The following INO80 variants were observed in gnomAD, a reference collection of about 807,000 sequenced individuals.
INO80 encodes INO80 complex ATPase subunit, also known as chromatin-remodeling ATPase INO80.
INO80 carries 20 observed loss-of-function variants against 203.4 expected under a neutral mutation model. The observed-to-expected ratio is 0.10, with a 90% confidence interval of 0.07 to 0.14. The LOEUF (loss-of-function observed/expected upper bound fraction) is 0.14, where lower values mean the gene tolerates loss of function less well. Ranked by LOEUF, INO80 falls within the 10% of genes least tolerant of loss-of-function variation. The pLI is 1.00. For synonymous variants in INO80, 726 were observed against 685.2 expected (o/e 1.06, Z -0.93); for missense variants, 1,419 against 1,914.4 (o/e 0.74, Z 4.83).
chr15:40,982,007 C>T (rs1893849671), intron 35 of INO80, among the ~76,000 whole-genome samples: 1 of 152,258 alleles, frequency 6.6e-6, no homozygotes, highest in African/African-American at 2.4e-5. Flanking sequence ...CCCTCTCCTC[C>T]TGACCTACAA....
intron 14 of INO80, among the ~76,000 whole-genome samples, chr15:41,068,611 G>A (rs751306870): frequency 2.4e-4 from 36 of 150,550 alleles, no homozygotes; most frequent in Non-Finnish European, 4.3e-4. Context: ...TAATCCTTGC[G>A]TTTTCGGAGG....
chr15:41,060,247 A>G (rs982318811), intron 14 of INO80, among the ~76,000 whole-genome samples: 6 of 152,182 alleles, frequency 3.9e-5, no homozygotes, highest in Non-Finnish European at 7.3e-5. Flanking sequence ...ATGGCATTAC[A>G]AAAGTTCTAG....
rs773955198 is a variant in INO80 at position 41,096,214 on chromosome 15, G to A, written c.97C>T (p.His33Tyr). ...QYLERALRLDHFLRQTSAIFN... is the reference protein window; with the variant it reads ...QYLERALRLDYFLRQTSAIFN... ...ATAGCTGACGTTTGTCGCAGAAAAT[G>A]GTCCAACCGGAGGGCCCTCTCCAAG... The change falls in exon 2 of 36, where the codon CAT (histidine) becomes TAT (tyrosine). Residue 33 changes from histidine (H) to tyrosine (Y), a missense_variant. This residue lies in a region of INO80 where 323 missense variants were observed against 325.4 expected (regional missense o/e 0.99). Transcript: ENST00000648947. 126 of 1,612,896 alleles carry A rather than the reference G, an allele frequency of 7.8e-5. 1 individual carries two copies. The highest frequency in any genetic ancestry group is 1.0e-4 in the Non-Finnish European group (118 of 1,179,760).
At chr15:40,987,998 G>A in intron 29 of INO80, 24 bp from the exon 30 acceptor site, 1 of 1,594,326 alleles carries the variant, frequency 6.3e-7, no homozygotes, top group Non-Finnish European at 8.6e-7. Context: ...AGCAAAAACT[G>A]AAGCACTCTT....
chr15:40,980,084 T>C lies in INO80; in HGVS notation c.*139A>G, dbSNP rs558626447. 8.2e-6 allele frequency: 6 copies of C among 733,622 alleles called. No individual in the cohort carries two copies. In the African/African-American group the frequency reaches 1.0e-4, roughly 13 times the overall value. 45.4% of individuals were successfully genotyped at this position (733,622 alleles called of 1,614,324 possible). A position where few individuals can be genotyped will look rare whatever the true frequency, so the allele number is the denominator to read the frequency against. On this transcript the variant is annotated 3_prime_UTR_variant, in exon 36 of 36. Transcript: ENST00000648947. The stretch of plus-strand genomic sequence containing the variant: ...GATAAAAGTGCTCACACCATCCACC[T>C]GCCTGTCCTTCCCCTGCTGGACATT...
intron 11 of INO80, among the ~76,000 whole-genome samples, chr15:41,072,787 C>CA (rs2045343706): frequency 6.8e-6 from 1 of 146,008 alleles, no homozygotes; most frequent in African/African-American, 2.5e-5. Flanking sequence ...TGGTCTTTTT[C>CA]TTTTTTTTTT....
At chr15:40,993,965 C>A (rs553271982) in intron 29 of INO80, among the ~76,000 whole-genome samples, 3 of 152,104 alleles carry the variant, frequency 2.0e-5, no homozygotes, top group African/African-American at 7.2e-5. Flanking sequence ...AAAACTCAAA[C>A]CAGATCATGT....
chr15:41,084,824 C>T (rs1895176717), intron 7 of INO80, among the ~76,000 whole-genome samples: 3 of 152,222 alleles, frequency 2.0e-5, no homozygotes, highest in Admixed American at 1.3e-4. Flanking sequence ...GCTGCAGCCT[C>T]AACCTCCTGG....
chr15:41,100,787 A>T lies in INO80; in HGVS notation c.-43-4434T>A, dbSNP rs1002987078. 1.3e-5 allele frequency among the ~76,000 whole-genome samples: 2 copies of T among 151,314 alleles called. 1 individual carries two copies. The highest frequency in any genetic ancestry group is 1.3e-4 in the Admixed American group (2 of 15,166). Reference sequence around the variant, plus strand: ...TGTACACTTCAGTGGCATTATATACATTCACATTGTTGTGCAACCATTACT... The same window carrying T: ...TGTACACTTCAGTGGCATTATATACTTTCACATTGTTGTGCAACCATTACT... On this transcript the variant is annotated intron_variant, in intron 1 of 35. Coordinates refer to ENST00000648947, the MANE Select transcript of INO80 (RefSeq NM_017553.3).
intron 9 of INO80, among the ~76,000 whole-genome samples, chr15:41,078,645 A>G (rs1241145098): frequency 6.6e-6 from 1 of 152,210 alleles, no homozygotes; most frequent in East Asian, 1.9e-4. Flanking sequence ...GAGTTACTAC[A>G]TATACCTGAA....
chr15:41,013,348 T>C (rs1381990448), intron 27 of INO80: 1 of 152,238 alleles, frequency 6.6e-6, no homozygotes, highest in Non-Finnish European at 1.5e-5. Context: ...GTATACTCAA[T>C]GGACAGGATC....
At chr15:41,043,808 A>C (rs1360532324) in intron 24 of INO80, among the ~76,000 whole-genome samples, 1 of 152,172 alleles carries the variant, frequency 6.6e-6, no homozygotes, top group Non-Finnish European at 1.5e-5. Flanking sequence ...GAGGTTCCAT[A>C]TGACCTGGAC....
At chr15:41,095,344 A>C (rs1416006714) in intron 4 of INO80, among the ~76,000 whole-genome samples, 1 of 152,238 alleles carries the variant, frequency 6.6e-6, no homozygotes, top group Non-Finnish European at 1.5e-5. Flanking sequence ...GTTGTCTCAA[A>C]AACAAAATCT....
intron 11 of INO80, 122 bp downstream of exon 11, chr15:41,073,306 C>T (rs1262810575): frequency 2.4e-6 from 2 of 833,230 alleles, no homozygotes; most frequent in African/African-American, 3.4e-5. Flanking sequence ...CACACATATA[C>T]ACAAGCTAGT....
chr15:41,051,911 T>A (rs1241907527), intron 19 of INO80, among the ~76,000 whole-genome samples: 2 of 151,876 alleles, frequency 1.3e-5, no homozygotes, highest in Non-Finnish European at 2.9e-5. Flanking sequence ...TGAGCTGAGA[T>A]CGCGCCACTG....
At chr15:41,007,433 T>A (rs1042638211) in intron 27 of INO80, among the ~76,000 whole-genome samples, 5 of 152,076 alleles carry the variant, frequency 3.3e-5, no homozygotes, top group Admixed American at 3.3e-4. Context: ...TCTGCCCACC[T>A]CAGCCTCCCA....
rs1481316907 is a variant in INO80, at chr15:41,079,563, C to T, written c.1131+138G>A. ...ACCAGCCTGGGCAATGTGGAGAAAC[C>T]GCATCTCTACCAAAAAAAAAAAAAA... On this transcript the variant is annotated intron_variant, in intron 9 of 35. Transcript: ENST00000648947. 5.1e-6 allele frequency: 4 copies of T among 787,108 alleles called. 1 individual carries two copies. Among genetic ancestry groups the T allele is most frequent in the Non-Finnish European group, 2.1e-6 (1 of 478,708 alleles). The allele number at this position is 787,108 out of a possible 1,614,324, so 48.8% of individuals were successfully genotyped here.
intron 16 of INO80, among the ~76,000 whole-genome samples, chr15:41,057,817 A>AAAAAAAAAAAAAAAAAAG (rs1555403662): frequency 2.9e-5 from 4 of 138,624 alleles, no homozygotes; most frequent in African/African-American, 1.3e-4. Flanking sequence ...AAAAAAAAAA[A>AAAAAAAAAAAAAAAAAAG]AAAGAAAGAA....
intron 27 of INO80, chr15:41,013,018 G>A (rs1372828420): frequency 6.6e-6 from 1 of 151,990 alleles, no homozygotes. Context: ...AATTCTTAAT[G>A]TCTTCTAGTT....
Sources: allele counts gnomAD v4.1 joint callset (sites outside exome capture counted in the v4.1 genomes callset), GRCh38; gene constraint gnomAD v4.1.1; regional missense constraint gnomAD v4.1.1; transcripts MANE v1.5; gene names NCBI Gene and HGNC (gene_info 2026-07-23, HGNC 2026-07-21).